The following SF3B1 variants were observed in gnomAD, a reference collection of about 807,000 sequenced individuals.
SF3B1 encodes pre-mRNA processing 10.
Under a neutral mutation model 153.8 loss-of-function variants are expected in SF3B1, and 12 were observed. The ratio of observed to expected loss-of-function variants is 0.08; its 90% CI spans 0.05 to 0.13. SF3B1 has a LOEUF of 0.13. SF3B1 is among the 10% of genes least tolerant of loss of function. The pLI is 1.00. For missense variants in SF3B1, 513 were observed against 1,606.1 expected (o/e 0.32, Z 11.63); for synonymous variants, 498 against 525.2 (o/e 0.95, Z 0.71).
chr2:197,401,298 T>G lies in SF3B1; in HGVS notation c.2496+102A>C. On this transcript the variant is annotated intron_variant, in intron 17 of 24. Transcript: ENST00000335508. The surrounding 1 kb of genome is among the most constrained non-coding windows in gnomAD (Gnocchi z 4.2). ...TTCATAATCAAGCACATATAAACTGTGAGATAATCAAGGCAAAAAATAATA... is the reference window on the plus strand; with the variant it reads ...TTCATAATCAAGCACATATAAACTGGGAGATAATCAAGGCAAAAAATAATA... The G allele has an allele frequency of 2.6e-4, 268 of 1,035,740 alleles. No individual in the cohort carries two copies. Among genetic ancestry groups the G allele is most frequent in the Non-Finnish European group, 3.5e-4 (247 of 700,242 alleles). 64.2% of individuals were successfully genotyped at this position (1,035,740 alleles called of 1,614,324 possible).
chr2:197,394,814 AG>A, intron 23 of SF3B1, among the ~76,000 whole-genome samples: 1 of 152,284 alleles, frequency 6.6e-6, no homozygotes, highest in South Asian at 2.1e-4. Flanking sequence ...CTGAGGCAGA[AG>A]AATCACTTGA....
chr2:197,415,909 C>G (rs1574542565), intron 6 of SF3B1, among the ~76,000 whole-genome samples: 2 of 151,912 alleles, frequency 1.3e-5, no homozygotes, highest in South Asian at 4.2e-4. Context: ...AAGGGATCCT[C>G]CCACCTCAGC....
intron 24 of SF3B1, 120 bp from the exon 25 acceptor site, chr2:197,392,581 G>GA (rs1553563304): frequency 2.2e-5 from 6 of 273,186 alleles, no homozygotes; most frequent in East Asian, 1.0e-4. Flanking sequence ...GGGGGGGGGG[G>GA]AACCTACTAA....
chr2:197,392,356 A>G lies in SF3B1; in HGVS notation c.3862T>C (p.Tyr1288His), dbSNP rs2105973573. 1.9e-6 allele frequency: 3 copies of G among 1,555,246 alleles called. No homozygotes were observed. Among genetic ancestry groups the G allele is most frequent in the Non-Finnish European group, 2.7e-6 (3 of 1,126,858 alleles). Residue 1288 changes from tyrosine to histidine, a missense_variant, in exon 25 of 25, where the codon TAC (tyrosine) becomes CAC (histidine). By Grantham distance (83) the Tyr-to-His change is moderately conservative. Transcript: ENST00000335508. The stretch of plus-strand genomic sequence containing the variant: ...ATATAGGTGTTCTTATCATCGTTGT[A>G]GATTCTTGGGTAATGTGCTATGAGA... Reference protein sequence around the residue: ...DALIAHYPRIYNDDKNTYIRY... With the variant: ...DALIAHYPRIHNDDKNTYIRY...
intron 8 of SF3B1, 44 bp from the exon 9 acceptor site, chr2:197,408,163 T>C: frequency 6.6e-7 from 1 of 1,519,290 alleles, no homozygotes. Context: ...AGTACAAGAC[T>C]GTATTATTAC....
At chr2:197,420,600 T>C (rs1428466762) in intron 3 of SF3B1, 58 bp from the exon 4 acceptor site, 1 of 1,154,540 alleles carries the variant, frequency 8.7e-7, no homozygotes, top group East Asian at 2.4e-5. Context: ...AAACAGAATA[T>C]CATAAACAAA....
chr2:197,431,770 C>G (rs757434451), intron 1 of SF3B1, among the ~76,000 whole-genome samples: 1 of 152,140 alleles, frequency 6.6e-6, no homozygotes, highest in Non-Finnish European at 1.5e-5. Context: ...TAATATAAAT[C>G]ATTTTACTGA....
chr2:197,421,278 T>C (rs1257042912), intron 2 of SF3B1, 145 bp from the exon 3 acceptor site: 18 of 546,980 alleles, frequency 3.3e-5, no homozygotes, highest in South Asian at 2.7e-4. Flanking sequence ...AGAAACACAA[T>C]TGGTCTTCTT....
intron 22 of SF3B1, among the ~76,000 whole-genome samples, chr2:197,397,171 TTTG>T (rs974083139): frequency 6.6e-6 from 1 of 152,168 alleles, no homozygotes; most frequent in Non-Finnish European, 1.5e-5. Context: ...GAATAGCATT[TTTG>T]TTGTTTTTTT....
In SF3B1 at chr2:197,416,703, T is replaced by A. The variant is rs186381038; in HGVS notation, c.666+38A>T. 1.1e-3 allele frequency: 1,815 copies of A among 1,583,664 alleles called. 20 individuals carry two copies. The African/African-American group carries it at 0.019, about 16-fold the overall frequency. ...TAATACAGTCCATAACAGAAAAAAA[T>A]TTTTTAACAGTAATAACAAAAAACA... On this transcript the variant is annotated intron_variant, in intron 6 of 24. Coordinates refer to ENST00000335508, the MANE Select transcript of SF3B1 (RefSeq NM_012433.4).
intron 1 of SF3B1, among the ~76,000 whole-genome samples, chr2:197,429,689 C>G (rs1343077051): frequency 6.6e-6 from 1 of 151,444 alleles, no homozygotes; most frequent in African/African-American, 2.4e-5. Context: ...GAGGCTGAGG[C>G]AGAAGTATCG....
chr2:197,403,094 A>G (rs1251075953), intron 12 of SF3B1, 59 bp from the exon 13 acceptor site: 1 of 1,206,778 alleles, frequency 8.3e-7, no homozygotes, highest in Non-Finnish European at 1.2e-6. Context: ...TGAAATGCTC[A>G]TGTACAGAAT....
chr2:197,392,671 A>G (rs1160268576), intron 24 of SF3B1, among the ~76,000 whole-genome samples: 1 of 151,860 alleles, frequency 6.6e-6, no homozygotes, highest in Admixed American at 6.6e-5. Context: ...ATATGGCACA[A>G]TATACCCTAA....
intron 6 of SF3B1, among the ~76,000 whole-genome samples, chr2:197,410,989 G>A (rs1377772660): frequency 6.6e-6 from 1 of 152,150 alleles, no homozygotes; most frequent in Middle Eastern, 3.2e-3. Flanking sequence ...CCCAGGTTGA[G>A]TGCAGTGGCA....
At position 197,431,031 on chromosome 2, in the gene SF3B1, C is replaced by T. The variant is rs113984584; in HGVS notation, c.28+3941G>A. 2.6e-4 allele frequency among the ~76,000 whole-genome samples: 40 copies of T among 151,448 alleles called. 2 individuals carry two copies. Among genetic ancestry groups the T allele is most frequent in the African/African-American group, 9.4e-4 (39 of 41,322 alleles). On this transcript the variant is annotated intron_variant, in intron 1 of 24. Transcript: ENST00000335508. Reference sequence around the variant, plus strand: ...ATTCATATCACTGATAGCAGAAGGTCACATCTGATAAAACTATTTAACTGC... The same window carrying T: ...ATTCATATCACTGATAGCAGAAGGTTACATCTGATAAAACTATTTAACTGC...
Position 197,389,911 on chromosome 2 carries a change from C to T in SF3B1, c.*2392G>A, listed in dbSNP as rs747567935. Reference sequence around the variant, plus strand: ...GATCAATTCCATTAGAGGGCGATGGCCCACAGAAAAACCAACAAAGGCCCA... The same window carrying T: ...GATCAATTCCATTAGAGGGCGATGGTCCACAGAAAAACCAACAAAGGCCCA... On this transcript the variant is annotated 3_prime_UTR_variant, in exon 25 of 25. Transcript: ENST00000335508. 9.9e-5 allele frequency: 15 copies of T among 152,072 alleles called. No homozygotes were observed. The highest frequency in any genetic ancestry group is 2.1e-4 in the Non-Finnish European group (14 of 68,006). 9.4% of individuals were successfully genotyped at this position (152,072 alleles called of 1,614,324 possible).
intron 11 of SF3B1, 27 bp from the exon 12 acceptor site, chr2:197,403,791 G>A (rs777330619): frequency 6.6e-7 from 1 of 1,521,992 alleles, no homozygotes; most frequent in Non-Finnish European, 8.8e-7. Context: ...AGTAATAGGT[G>A]TGGTTTCTTT....
chr2:197,394,575 C>T (rs1232322078), intron 23 of SF3B1, among the ~76,000 whole-genome samples: 3 of 152,160 alleles, frequency 2.0e-5, no homozygotes, highest in Admixed American at 6.5e-5. Flanking sequence ...AGTATGAGCT[C>T]GCTGGCTAAC....
chr2:197,416,594 A>G, intron 6 of SF3B1, 147 bp downstream of exon 6: 1 of 634,364 alleles, frequency 1.6e-6, no homozygotes, highest in Non-Finnish European at 2.6e-6. Context: ...TTGGATTTCA[A>G]GCCTCCAGAA....
Sources: allele counts gnomAD v4.1 joint callset (sites outside exome capture counted in the v4.1 genomes callset), GRCh38; gene constraint gnomAD v4.1.1; non-coding constraint Gnocchi (gnomAD v3.1); transcripts MANE v1.5; gene names NCBI Gene and HGNC (gene_info 2026-07-23, HGNC 2026-07-21).